RASA2: variants seen among roughly 807,000 people sequenced by gnomAD.
RASA2 encodes the protein RAS p21 protein activator 2.
Under a neutral mutation model 118.2 loss-of-function variants are expected in RASA2, and 155 were observed. The observed-to-expected ratio is 1.31, with a 90% CI of 1.15 to 1.50. RASA2 has a LOEUF of 1.50. Ranked by LOEUF, RASA2 falls within the 40% of genes most tolerant of loss-of-function variation. RASA2 has a pLI of 0.00. For synonymous variants in RASA2, 353 were observed against 349.1 expected, an observed-to-expected ratio of 1.01 and a Z score of -0.12; for missense variants, 1,016 against 1,009.6, an observed-to-expected ratio of 1.01 and a Z score of -0.09.
At chr3:141,588,583 A>G (rs75645897) in intron 19 of RASA2, among the ~76,000 whole-genome samples, 3 of 152,218 alleles carry the variant, frequency 2.0e-5, no homozygotes, top group Non-Finnish European at 2.9e-5. Context: ...TTTAAAGAGG[A>G]TATAACACAG....
intron 15 of RASA2, among the ~76,000 whole-genome samples, chr3:141,580,082 AAAAATATAT>A (rs1190850598): frequency 1.4e-4 from 14 of 101,390 alleles, no homozygotes; most frequent in African/African-American, 3.6e-4. Flanking sequence ...AAAAAAAAAA[AAAAATATAT>A]ATATATATAT....
intron 19 of RASA2, among the ~76,000 whole-genome samples, chr3:141,605,024 A>G (rs1053314401): frequency 4.6e-5 from 7 of 152,082 alleles, no homozygotes; most frequent in Non-Finnish European, 7.4e-5. Flanking sequence ...ATTGTTTACT[A>G]GCTTCCATTG....
At chr3:141,589,088 C>G (rs938973386) in intron 19 of RASA2, among the ~76,000 whole-genome samples, 1 of 152,156 alleles carries the variant, frequency 6.6e-6, no homozygotes, top group African/African-American at 2.4e-5. Flanking sequence ...GACCTGCCCC[C>G]TCAGCCTCCT....
chr3:141,498,321 C>T (rs1160381360), intron 1 of RASA2, among the ~76,000 whole-genome samples: 2 of 152,140 alleles, frequency 1.3e-5, no homozygotes, highest in African/African-American at 2.4e-5. Flanking sequence ...CTCTACAAAG[C>T]TGCCTGTGAG....
chr3:141,535,107 C>G (rs1455072342), intron 4 of RASA2, among the ~76,000 whole-genome samples: 1 of 152,134 alleles, frequency 6.6e-6, no homozygotes, highest in Non-Finnish European at 1.5e-5. Context: ...AATCTATCTG[C>G]CTCATTTTTC....
chr3:141,513,319 G>T (rs2081980554), intron 2 of RASA2, among the ~76,000 whole-genome samples: 2 of 151,440 alleles, frequency 1.3e-5, no homozygotes, highest in Non-Finnish European at 2.9e-5. Flanking sequence ...CTTAGAAAAG[G>T]TATTGTATAA....
chr3:141,516,420 A>G lies in RASA2; in HGVS notation c.344A>G (p.Asp115Gly), dbSNP rs2082027295. ...TATGATAAGAATGTTTTACAAAGAGATCTCCGTATAGGTATGTACTATTCA... is the reference window on the plus strand; with the variant it reads ...TATGATAAGAATGTTTTACAAAGAGGTCTCCGTATAGGTATGTACTATTCA... ...YVYDKNVLQR[D>G]LRIGKVAIKK... Residue 115 changes from aspartate to glycine, a missense_variant, in exon 3 of 24, where the codon GAT becomes GGT. Asp to Gly is a moderately conservative substitution (Grantham distance 94). Around this residue, in one of 2 missense-constraint regions of RASA2, gnomAD observed 896 missense variants for 836.4 expected, o/e 1.07. Transcript: ENST00000286364. 6.5e-7 allele frequency: 1 copy of G among 1,544,626 alleles called. No individual in the cohort carries two copies. Among genetic ancestry groups the G allele is most frequent in the East Asian group, 2.4e-5 (1 of 41,840 alleles).
Position 141,608,654 on chromosome 3 carries a change from C to G in RASA2, c.2182C>G (p.Gln728Glu). 6.2e-7 allele frequency: 1 copy of G among 1,613,970 alleles called. No individual in the cohort carries two copies. The highest frequency in any genetic ancestry group is 8.5e-7 in the Non-Finnish European group (1 of 1,179,898). The change falls in exon 21 of 24, where the codon CAG (glutamine) becomes GAG (glutamate). Residue 728 changes from glutamine to glutamate, a missense_variant. Physicochemically the swap from Gln to Glu is conservative, Grantham distance 29. This residue lies in a region of RASA2 where 120 missense variants were observed against 173.2 expected (regional missense o/e 0.69). Coordinates refer to ENST00000286364, the MANE Select transcript of RASA2 (RefSeq NM_006506.5). ...TCTGAACGGAAATTGGCTCTGCTGTCAGGAGACTGGTGAAAACACTCTCGG... is the reference window on the plus strand; with the variant it reads ...TCTGAACGGAAATTGGCTCTGCTGTGAGGAGACTGGTGAAAACACTCTCGG... ...VYLNGNWLCC[Q>E]ETGENTLGCK... is the part of the protein sequence containing the mutation.
intron 3 of RASA2, among the ~76,000 whole-genome samples, chr3:141,524,647 G>T (rs1560008159): frequency 6.6e-6 from 1 of 151,886 alleles, no homozygotes; most frequent in Non-Finnish European, 1.5e-5. Flanking sequence ...GTGCAGTGGC[G>T]TGGCATGATT....
chr3:141,577,208 T>A (rs1272367937), intron 15 of RASA2, 102 bp downstream of exon 15: 1 of 822,864 alleles, frequency 1.2e-6, no homozygotes. Context: ...TATTTTCTTA[T>A]AACTGATACT....
At chr3:141,566,427 A>T (rs2082821369) in intron 9 of RASA2, among the ~76,000 whole-genome samples, 1 of 152,260 alleles carries the variant, frequency 6.6e-6, no homozygotes, top group South Asian at 2.1e-4. Context: ...TAGAGATAAG[A>T]GTTAACACAA....
At chr3:141,499,204 C>T (rs141056584) in intron 1 of RASA2, among the ~76,000 whole-genome samples, 5 of 152,190 alleles carry the variant, frequency 3.3e-5, no homozygotes, top group East Asian at 3.9e-4. Context: ...CAACTAGCCC[C>T]GATTATGTTC....
At chr3:141,608,438 GT>G in intron 20 of RASA2, 50 bp from the exon 21 acceptor site, 1 of 1,546,704 alleles carries the variant, frequency 6.5e-7, no homozygotes, top group African/African-American at 1.4e-5. Context: ...TGTACTGTGT[GT>G]TGGTTTTTGG....
At chr3:141,508,957 G>A (rs963132938) in intron 1 of RASA2, among the ~76,000 whole-genome samples, 1 of 152,126 alleles carries the variant, frequency 6.6e-6, no homozygotes, top group African/African-American at 2.4e-5. Flanking sequence ...GTAGCTTGAT[G>A]TAAAGTGTGG....
intron 19 of RASA2, among the ~76,000 whole-genome samples, chr3:141,595,621 T>C (rs2083354024): frequency 6.6e-6 from 1 of 151,856 alleles, no homozygotes. Flanking sequence ...TTTTTTCTTT[T>C]TTTCTTTTTT....
chr3:141,489,514 C>G (rs1308517466), intron 1 of RASA2, among the ~76,000 whole-genome samples: 2 of 152,168 alleles, frequency 1.3e-5, no homozygotes, highest in Non-Finnish European at 2.9e-5. Flanking sequence ...CTCTTCACCA[C>G]AGTAGGAAAC....
At position 141,584,309 on chromosome 3, in the gene RASA2, C is replaced by T. The variant is rs1335830646; in HGVS notation, c.1753-1716C>T. Among the ~76,000 whole-genome samples the T allele has an allele frequency of 7.0e-5, 8 of 114,596 alleles. No individual in the cohort carries two copies. The South Asian group carries it at 2.2e-3, about 32-fold the overall frequency. 75.2% of individuals were successfully genotyped at this position (114,596 alleles called of 152,430 possible). On this transcript the variant is annotated intron_variant, in intron 17 of 23. Transcript: ENST00000286364. ...TCGCACCATTGCGCTCCAGCCTGGGCGACAGAACAAAACTCCATCCCAAAA... is the reference window on the plus strand; with the variant it reads ...TCGCACCATTGCGCTCCAGCCTGGGTGACAGAACAAAACTCCATCCCAAAA...
chr3:141,494,478 C>T (rs1480122660), intron 1 of RASA2, among the ~76,000 whole-genome samples: 1 of 152,194 alleles, frequency 6.6e-6, no homozygotes, highest in Non-Finnish European at 1.5e-5. Flanking sequence ...AAGCGATTCT[C>T]CTGCCTCAGC....
intron 3 of RASA2, among the ~76,000 whole-genome samples, chr3:141,524,928 T>G (rs2082164835): frequency 6.6e-6 from 1 of 152,122 alleles, no homozygotes; most frequent in Non-Finnish European, 1.5e-5. Flanking sequence ...CCATTTCTGC[T>G]AGTGCTCAAG....
Sources: allele counts gnomAD v4.1 joint callset (sites outside exome capture counted in the v4.1 genomes callset), GRCh38; gene constraint gnomAD v4.1.1; regional missense constraint gnomAD v4.1.1; transcripts MANE v1.5; gene names NCBI Gene and HGNC (gene_info 2026-07-23, HGNC 2026-07-21).